Variants in ICA1L observed in about 807,000 individuals in gnomAD.
ICA1L encodes the protein islet cell autoantigen 1 like.
In ICA1L, 50 loss-of-function variants were observed where a neutral mutation model predicts 61.3. The observed-to-expected ratio is 0.82, with a 90% CI of 0.65 to 1.03. The LOEUF is 1.03. Among genes scored for constraint, ICA1L ranks in the 50% least tolerant of loss-of-function variants. The pLI, the probability that ICA1L is intolerant of heterozygous loss-of-function variation, is 0.00. For synonymous variants in ICA1L, 161 were observed against 191.3 expected (o/e 0.84, Z 1.31); for missense variants, 508 against 556.7 (o/e 0.91, Z 0.88).
At chr2:202,823,312 C>G (rs62194667) in intron 3 of ICA1L, among the ~76,000 whole-genome samples, 76,932 of 151,930 alleles carry the variant, frequency 0.51, 21,077 homozygotes, top group Middle Eastern at 0.76. Context: ...ACTCCCAACA[C>G]ATGTATTAAT....
chr2:202,837,189 T>C (rs1694177453), intron 1 of ICA1L, among the ~76,000 whole-genome samples: 1 of 151,930 alleles, frequency 6.6e-6, no homozygotes, highest in African/African-American at 2.4e-5. Flanking sequence ...ATTTCTGTGG[T>C]ATCAGCTGTA....
At chr2:202,835,088 AT>A (rs1375087772) in intron 1 of ICA1L, among the ~76,000 whole-genome samples, 2 of 151,976 alleles carry the variant, frequency 1.3e-5, no homozygotes, top group African/African-American at 2.4e-5. Flanking sequence ...ATATATTTAT[AT>A]TTATGATGTA....
intron 1 of ICA1L, among the ~76,000 whole-genome samples, chr2:202,832,304 G>A (rs962073052): frequency 6.6e-6 from 1 of 152,056 alleles, no homozygotes; most frequent in Non-Finnish European, 1.5e-5. Context: ...GGAAAGGGCA[G>A]TCAATAAAAA....
At chr2:202,780,293 T>C (rs542391288) in intron 12 of ICA1L, among the ~76,000 whole-genome samples, 63 of 151,932 alleles carry the variant, frequency 4.1e-4, no homozygotes, top group Admixed American at 1.2e-3. Flanking sequence ...ACAGTTGTTA[T>C]GTCTTTTCCA....
rs753954864 is a variant in ICA1L, at chr2:202,777,142, G to A, written c.*2391C>T. On this transcript the variant is annotated 3_prime_UTR_variant, in exon 13 of 13. Coordinates refer to ENST00000358299, the MANE Select transcript of ICA1L (RefSeq NM_001288622.3). ...ATCTCGACTCACTGCAACCTCTGCC[G>A]CCTGGGTTCAAGCAATTCTTCTGCC... 14 of 137,392 alleles carry A rather than the reference G, an allele frequency of 1.0e-4. No homozygotes were observed. The highest frequency in any genetic ancestry group is 2.5e-4 in the East Asian group (1 of 4,066). 8.5% of individuals were successfully genotyped at this position (137,392 alleles called of 1,614,324 possible). A position where few individuals can be genotyped will look rare whatever the true frequency, so the allele number is the denominator to read the frequency against.
At chr2:202,865,085 T>C (rs1385978651) in intron 1 of ICA1L, among the ~76,000 whole-genome samples, 3 of 151,272 alleles carry the variant, frequency 2.0e-5, no homozygotes, top group African/African-American at 7.3e-5. Context: ...ATTGCTTGAA[T>C]CCGGGAGGTG....
chr2:202,808,690 T>C (rs1693293791), intron 9 of ICA1L, among the ~76,000 whole-genome samples: 1 of 152,108 alleles, frequency 6.6e-6, no homozygotes, highest in Non-Finnish European at 1.5e-5. Context: ...CTCCATGTGT[T>C]TGGGGGGAAG....
chr2:202,821,357 C>A lies in ICA1L; in HGVS notation c.359+1G>T. 2.5e-6 allele frequency: 4 copies of A among 1,612,962 alleles called. No individual in the cohort carries two copies. The highest frequency in any genetic ancestry group is 3.4e-6 in the Non-Finnish European group (4 of 1,179,604). ...CAAGATAATGAACAACCATGGTAAA[C>A]CTTTGCTTGGCTGAAGAACAAAGTG... On this transcript the variant is annotated splice_donor_variant, in intron 4 of 12. Transcript: ENST00000358299. LOFTEE classifies it high-confidence loss of function.
rs747619794 is a variant in ICA1L, at chr2:202,819,715, C to T, written c.544G>A (p.Glu182Lys). The T allele has an allele frequency of 6.2e-7, 1 of 1,613,632 alleles. No homozygotes were observed. Among genetic ancestry groups the T allele is most frequent in the Non-Finnish European group, 8.5e-7 (1 of 1,179,658 alleles). ...CGTTTTCATACTTTTCTAAACTTTT[C>T]CATTTGCTTTAAGGTGTCTGGGTCC... ...ELDPDTLKQM[E>K]KFRKVQMQVR... Residue 182 changes from glutamate to lysine, a missense_variant, in exon 5 of 13, where the codon GAA (glutamate) becomes AAA (lysine). Physicochemically the swap from Glu to Lys is moderately conservative, Grantham distance 56. Transcript: ENST00000358299.
chr2:202,805,911 T>C (rs1182198461), intron 9 of ICA1L, among the ~76,000 whole-genome samples: 1 of 152,242 alleles, frequency 6.6e-6, no homozygotes, highest in Non-Finnish European at 1.5e-5. Flanking sequence ...TATAGGATCA[T>C]ACGCAAATGT....
chr2:202,851,396 TAATC>T (rs1411265693), intron 1 of ICA1L, among the ~76,000 whole-genome samples: 1 of 152,232 alleles, frequency 6.6e-6, no homozygotes, highest in Non-Finnish European at 1.5e-5. Context: ...CACATTTTCT[TAATC>T]CAGTCTATCA....
rs1692902507 is a variant in ICA1L at position 202,795,617 on chromosome 2, CTA to C, written c.985+1271_985+1272del. On this transcript the variant is annotated intron_variant, in intron 10 of 12. Transcript: ENST00000358299. ...TCTCAAAAAAAAAGAAAAAAAACAA[CTA>C]TGTGGCACTGGTGCATGCACACACC... Among the ~76,000 whole-genome samples, 4 of 151,890 alleles carry C rather than the reference CTA, an allele frequency of 2.6e-5. No individual in the cohort carries two copies. In the South Asian group the frequency reaches 8.3e-4, roughly 31 times the overall value.
chr2:202,830,937 A>G (rs1483022592), intron 1 of ICA1L, among the ~76,000 whole-genome samples: 1 of 152,150 alleles, frequency 6.6e-6, no homozygotes, highest in Non-Finnish European at 1.5e-5. Flanking sequence ...AAAAATCGAA[A>G]TCCAACTATA....
chr2:202,796,452 T>C (rs1344604687), intron 10 of ICA1L, among the ~76,000 whole-genome samples: 5 of 152,230 alleles, frequency 3.3e-5, no homozygotes, highest in Non-Finnish European at 7.3e-5. Context: ...TGATTTAGTC[T>C]TGATCCTCAT....
chr2:202,834,435 CG>C (rs1186649835), intron 1 of ICA1L, among the ~76,000 whole-genome samples: 1 of 152,050 alleles, frequency 6.6e-6, no homozygotes, highest in Non-Finnish European at 1.5e-5. Flanking sequence ...TCAAGACCAG[CG>C]TGGGCAACAT....
In ICA1L at chr2:202,853,690, A is replaced by G. The variant is rs934053261; in HGVS notation, c.-8+17929T>C. Among the ~76,000 whole-genome samples, 8 of 152,286 alleles carry G rather than the reference A, an allele frequency of 5.3e-5. No individual in the cohort carries two copies. The South Asian group carries it at 1.7e-3, about 32-fold the overall frequency. On this transcript the variant is annotated intron_variant, in intron 1 of 12. Transcript: ENST00000358299. ...AAAAAAACCCCATCAAAAAGTGGGCAAAGAATATGAACACACACTGCTCAA... is the reference window on the plus strand; with the variant it reads ...AAAAAAACCCCATCAAAAAGTGGGCGAAGAATATGAACACACACTGCTCAA...
At chr2:202,793,494 TAAAAAAAAAAAAAAAAAAAAA>T (rs755015399) in intron 10 of ICA1L, among the ~76,000 whole-genome samples, 6 of 31,336 alleles carry the variant, frequency 1.9e-4, no homozygotes, top group Non-Finnish European at 2.5e-4. Flanking sequence ...CCGTCTCTAC[TAAAAAAAAAAAAAAAAAAAAA>T]AAAAAAAAAA....
At chr2:202,834,040 G>A (rs1287284516) in intron 1 of ICA1L, among the ~76,000 whole-genome samples, 6 of 152,098 alleles carry the variant, frequency 3.9e-5, no homozygotes, top group South Asian at 2.1e-4. Flanking sequence ...AGATATCTAT[G>A]AGGCAGGATT....
intron 9 of ICA1L, among the ~76,000 whole-genome samples, chr2:202,805,740 A>C (rs1394253080): frequency 6.6e-6 from 1 of 152,182 alleles, no homozygotes; most frequent in Non-Finnish European, 1.5e-5. Context: ...TCAAGAAAAA[A>C]GGGAGAAGGA....
Sources: allele counts gnomAD v4.1 joint callset (sites outside exome capture counted in the v4.1 genomes callset), GRCh38; gene constraint gnomAD v4.1.1; transcripts MANE v1.5; gene names NCBI Gene and HGNC (gene_info 2026-07-23, HGNC 2026-07-21).